The following CHMP4C variants were observed in gnomAD, a reference collection of about 807,000 sequenced individuals.
The protein encoded by CHMP4C is charged multivesicular body protein 4C.
In CHMP4C, 28 loss-of-function variants were observed where a neutral mutation model predicts 29.0. The observed-to-expected ratio is 0.97, with a 90% confidence interval of 0.72 to 1.32. The LOEUF is 1.32. Ranked by LOEUF, CHMP4C falls within the 40% of genes most tolerant of loss-of-function variation. The pLI is 0.00. For missense variants in CHMP4C, 291 were observed against 281.0 expected, an observed-to-expected ratio of 1.04 and a Z score of -0.25; for synonymous variants, 106 against 102.4, an observed-to-expected ratio of 1.04 and a Z score of -0.21.
At chr8:81,741,986 A>T (rs975081557) in intron 1 of CHMP4C, among the ~76,000 whole-genome samples, 7 of 152,188 alleles carry the variant, frequency 4.6e-5, no homozygotes, top group African/African-American at 1.7e-4. Flanking sequence ...CCTGTACTAG[A>T]CATTTTGATT....
chr8:81,756,920 C>A (rs966315676), intron 3 of CHMP4C, among the ~76,000 whole-genome samples: 1 of 152,116 alleles, frequency 6.6e-6, no homozygotes, highest in Non-Finnish European at 1.5e-5. Flanking sequence ...AAGTACACAA[C>A]TATATTGACT....
intron 1 of CHMP4C, among the ~76,000 whole-genome samples, chr8:81,745,449 C>T (rs1250951665): frequency 2.6e-5 from 4 of 152,148 alleles, no homozygotes; most frequent in Non-Finnish European, 5.9e-5. Flanking sequence ...TTTATCCACC[C>T]CAAAGGAACG....
chr8:81,732,488 CG>C lies in CHMP4C; in HGVS notation c.-138del. On this transcript the variant is annotated 5_prime_UTR_variant, in exon 1 of 5. An upstream open reading frame in the 5' UTR loses its in-frame stop. Transcript: ENST00000297265. The stretch of plus-strand genomic sequence containing the variant: ...TGGAGTGTGTGTCACCTGTCCAGGA[CG>C]ACTTGTTGATTCCCAGGAGGGCCGC... The C allele has an allele frequency of 1.6e-6, 1 of 619,094 alleles. No individual in the cohort carries two copies. Among genetic ancestry groups the C allele is most frequent in the African/African-American group, 1.9e-5 (1 of 53,996 alleles). The allele number at this position is 619,094 out of a possible 1,614,324, so 38.4% of individuals were successfully genotyped here.
At chr8:81,734,323 T>C (rs1309073713) in intron 1 of CHMP4C, among the ~76,000 whole-genome samples, 1 of 152,174 alleles carries the variant, frequency 6.6e-6, no homozygotes, top group Non-Finnish European at 1.5e-5. Flanking sequence ...GCTCAGCAAA[T>C]ATTGGTGGTG....
chr8:81,736,518 A>G lies in CHMP4C; in HGVS notation c.190+3702A>G, dbSNP rs146120710. Among the ~76,000 whole-genome samples, 291 of 152,058 alleles carry G rather than the reference A, an allele frequency of 1.9e-3. 1 individual carries two copies. The highest frequency in any genetic ancestry group is 6.7e-3 in the African/African-American group (277 of 41,458). ...AAAACAGTTTAGAGACACTTCCAATACCCTCCGCACCCACCCCATGTATGA... is the reference window on the plus strand; with the variant it reads ...AAAACAGTTTAGAGACACTTCCAATGCCCTCCGCACCCACCCCATGTATGA... On this transcript the variant is annotated intron_variant, in intron 1 of 4. Transcript: ENST00000297265.
At chr8:81,750,754 AG>A (rs1409557055) in intron 1 of CHMP4C, among the ~76,000 whole-genome samples, 2 of 152,180 alleles carry the variant, frequency 1.3e-5, no homozygotes, top group Non-Finnish European at 2.9e-5. Context: ...AGAAGATAGT[AG>A]ACAGAAATAC....
intron 1 of CHMP4C, among the ~76,000 whole-genome samples, chr8:81,743,179 G>A (rs1808784933): frequency 1.3e-5 from 2 of 151,762 alleles, no homozygotes; most frequent in Non-Finnish European, 2.9e-5. Flanking sequence ...ACAGTGCTAT[G>A]ATATATTGCT....
chr8:81,745,330 T>G (rs1483770194), intron 1 of CHMP4C, among the ~76,000 whole-genome samples: 1 of 152,208 alleles, frequency 6.6e-6, no homozygotes, highest in Non-Finnish European at 1.5e-5. Context: ...AGAAAAGCTA[T>G]TATAATGCAG....
intron 1 of CHMP4C, among the ~76,000 whole-genome samples, chr8:81,750,319 G>A (rs1049258143): frequency 1.3e-5 from 2 of 152,050 alleles, no homozygotes; most frequent in African/African-American, 4.8e-5. Context: ...GACAAGGAGG[G>A]CTGGGTGTGG....
chr8:81,758,324 T>C, intron 4 of CHMP4C, 29 bp downstream of exon 4: 2 of 1,610,672 alleles, frequency 1.2e-6, no homozygotes, highest in Non-Finnish European at 1.7e-6. Context: ...CTACATGTGG[T>C]CAGATAGTTG....
At chr8:81,734,776 A>C (rs1411517793) in intron 1 of CHMP4C, among the ~76,000 whole-genome samples, 1 of 152,232 alleles carries the variant, frequency 6.6e-6, no homozygotes, top group Non-Finnish European at 1.5e-5. Context: ...ATGCACAAAA[A>C]TTCGATCTCA....
At chr8:81,750,413 T>G (rs552915626) in intron 1 of CHMP4C, among the ~76,000 whole-genome samples, 1 of 150,056 alleles carries the variant, frequency 6.7e-6, no homozygotes, top group South Asian at 2.1e-4. Flanking sequence ...CCAGCTTGGG[T>G]AGTATAGCAA....
intron 1 of CHMP4C, among the ~76,000 whole-genome samples, chr8:81,746,069 G>A (rs1485320916): frequency 6.6e-6 from 1 of 152,096 alleles, no homozygotes; most frequent in Non-Finnish European, 1.5e-5. Context: ...TGGCATCATC[G>A]TTTCATATAA....
chr8:81,746,646 T>C (rs549837238), intron 1 of CHMP4C, among the ~76,000 whole-genome samples: 1 of 152,332 alleles, frequency 6.6e-6, no homozygotes, highest in Non-Finnish European at 1.5e-5. Flanking sequence ...GGGACTCTGG[T>C]TGGGCCAACA....
At position 81,758,279 on chromosome 8, in the gene CHMP4C, A is replaced by C. The variant is rs1401034808; in HGVS notation, c.621A>C (p.Ala207=). 1.2e-6 allele frequency: 2 copies of C among 1,614,024 alleles called. No homozygotes were observed. The stretch of plus-strand genomic sequence containing the variant: ...GAAAACCAGGCATGTCGTCCACTGC[A>C]CGTCGATCCCGAGCAGGTCTGTTAC... ...PNRKPGMSST[A]RRSRAASSQR... The change falls in exon 4 of 5, where the codon GCA becomes GCC. Residue 207 remains alanine (A), a synonymous_variant. Transcript: ENST00000297265.
chr8:81,752,918 T>C (rs958598593), intron 1 of CHMP4C, 146 bp from the exon 2 acceptor site: 2 of 530,178 alleles, frequency 3.8e-6, no homozygotes, highest in Non-Finnish European at 6.4e-6. Context: ...GAGGACAATA[T>C]GAGTTGTTTA....
chr8:81,750,937 A>T (rs1808894315), intron 1 of CHMP4C, among the ~76,000 whole-genome samples: 1 of 152,168 alleles, frequency 6.6e-6, no homozygotes, highest in South Asian at 2.1e-4. Flanking sequence ...CAAAGTGTAA[A>T]AGAAAGTCTT....
intron 1 of CHMP4C, among the ~76,000 whole-genome samples, chr8:81,750,413 T>A (rs552915626): frequency 6.7e-6 from 1 of 149,944 alleles, no homozygotes; most frequent in Non-Finnish European, 1.5e-5. Flanking sequence ...CCAGCTTGGG[T>A]AGTATAGCAA....
chr8:81,735,082 C>T (rs145938424), intron 1 of CHMP4C, among the ~76,000 whole-genome samples: 17,080 of 151,926 alleles, frequency 0.11, 1,025 homozygotes, highest in African/African-American at 0.15. Context: ...TTAGTAGATA[C>T]GGGGTTTCAC....
Sources: gnomAD v4.1 joint callset for allele counts (sites outside exome capture counted in the v4.1 genomes callset) on GRCh38, gnomAD v4.1.1 for gene constraint, MANE v1.5 for transcripts, NCBI Gene and HGNC (gene_info 2026-07-23, HGNC 2026-07-21) for gene names.